Variants in ZBTB45 observed in about 807,000 individuals in gnomAD.
ZBTB45 encodes the protein zinc finger and BTB domain containing 45.
In ZBTB45, 22 loss-of-function variants were observed where a neutral mutation model predicts 28.4. That is an observed-to-expected ratio of 0.77 (90% CI 0.55 to 1.10). ZBTB45 has a LOEUF of 1.10. Among genes scored for constraint, ZBTB45 ranks in the 50% least tolerant of loss-of-function variants. The pLI, the probability that ZBTB45 is intolerant of heterozygous loss-of-function variation, is 0.00. For synonymous variants in ZBTB45, 361 were observed against 332.3 expected (o/e 1.09, Z -0.94); for missense variants, 656 against 750.2 (o/e 0.87, Z 1.47).
In ZBTB45 at chr19:58,516,262, G is replaced by T. The variant is rs1246935722; in HGVS notation, c.1279+133C>A. 2.6e-6 allele frequency: 3 copies of T among 1,170,838 alleles called. No individual in the cohort carries two copies. The highest frequency in any genetic ancestry group is 2.6e-5 in the East Asian group (1 of 39,010). 72.5% of individuals were successfully genotyped at this position (1,170,838 alleles called of 1,614,324 possible). The stretch of plus-strand genomic sequence containing the variant: ...CCACATACCTTGCACTTGGGGGAAG[G>T]CTCAATTTCTAGGCCCCCTGCTAAC... On this transcript the variant is annotated intron_variant, in intron 2 of 2. Transcript: ENST00000594051. The surrounding 1 kb of genome is among the most constrained non-coding windows in gnomAD (Gnocchi z 6.2).
intron 1 of ZBTB45, among the ~76,000 whole-genome samples, chr19:58,526,165 C>T (rs2053605586): frequency 6.6e-6 from 1 of 152,160 alleles, no homozygotes; most frequent in Non-Finnish European, 1.5e-5. Context: ...CCTGACCTCC[C>T]AAAGTGCTGG....
chr19:58,514,061 G>T lies in ZBTB45; in HGVS notation c.1529C>A (p.Ala510Glu). The T allele has an allele frequency of 1.3e-6, 2 of 1,481,664 alleles. No homozygotes were observed. The highest frequency in any genetic ancestry group is 8.9e-7 in the Non-Finnish European group (1 of 1,121,506). 91.8% of individuals were successfully genotyped at this position (1,481,664 alleles called of 1,614,324 possible). ...GGCCAGGCCCCAGCGCCATCAGGGC[G>T]CAGGGTGCGCCGCCAGGTGGCGCTC... Reference protein sequence around the residue: ...LLERHLAAHPAP With the variant: ...LLERHLAAHPEP Residue 510 changes from alanine to glutamate, a missense_variant, in exon 3 of 3, where the codon GCG becomes GAG. Transcript: ENST00000594051.
At chr19:58,537,984 C>G (rs1568653968) in intron 1 of ZBTB45, among the ~76,000 whole-genome samples, 1 of 152,054 alleles carries the variant, frequency 6.6e-6, no homozygotes, top group African/African-American at 2.4e-5. Flanking sequence ...ATTACAGGCC[C>G]GTGCCACCAC....
At chr19:58,523,815 C>G (rs2053591262), upstream of ZBTB45, among the ~76,000 whole-genome samples, 1 of 121,084 alleles carries the variant, frequency 8.3e-6, no homozygotes, top group African/African-American at 2.8e-5. Flanking sequence ...GGACTACAGG[C>G]GCCCGCCACC....
At chr19:58,535,160 C>G (rs756146400) in intron 1 of ZBTB45, among the ~76,000 whole-genome samples, 1 of 151,846 alleles carries the variant, frequency 6.6e-6, no homozygotes. Flanking sequence ...TGTGAGCCAC[C>G]GTGCCCAGCC....
chr19:58,516,920 C>T lies in ZBTB45; in HGVS notation c.754G>A (p.Ala252Thr), dbSNP rs1468124447. 3.7e-6 allele frequency: 6 copies of T among 1,613,282 alleles called. No homozygotes were observed. Among genetic ancestry groups the T allele is most frequent in the Admixed American group, 1.7e-5 (1 of 60,022 alleles). Residue 252 changes from alanine (A) to threonine (T), a missense_variant, in exon 2 of 3, where the codon GCG becomes ACG. By Grantham distance (58) the Ala-to-Thr change is moderately conservative (BLOSUM62 0). This residue lies in a region of ZBTB45 where 448 missense variants were observed against 444.3 expected (regional missense o/e 1.01). Transcript: ENST00000594051. The surrounding 1 kb of genome is among the most constrained non-coding windows in gnomAD (Gnocchi z 6.2). ...AGFLTAAADSACEEPPAPTGL... is the reference protein window; with the variant it reads ...AGFLTAAADSTCEEPPAPTGL... ...GTGGGTGCAGGGGGCTCCTCGCACG[C>T]GCTGTCAGCAGCAGCAGTGAGGAAG...
intron 1 of ZBTB45, among the ~76,000 whole-genome samples, chr19:58,526,622 C>G (rs953066865): frequency 4.2e-5 from 6 of 143,724 alleles, no homozygotes; most frequent in African/African-American, 1.5e-4. Flanking sequence ...AGCTCCGCCT[C>G]CCGGGTTCAC....
chr19:58,526,989 G>A (rs1316200968), intron 1 of ZBTB45, among the ~76,000 whole-genome samples: 1 of 152,108 alleles, frequency 6.6e-6, no homozygotes, highest in Non-Finnish European at 1.5e-5. Flanking sequence ...CACCACACCT[G>A]GCCACAAAAT....
upstream of ZBTB45, among the ~76,000 whole-genome samples, chr19:58,521,384 A>G (rs1480267852): frequency 1.0e-4 from 14 of 136,222 alleles, no homozygotes; most frequent in South Asian, 4.4e-4. Context: ...AAAAAAAAAA[A>G]GAAAGAAAGA....
At position 58,514,134 on chromosome 19, in the gene ZBTB45, C is replaced by A. The variant is rs767686852; in HGVS notation, c.1456G>T (p.Ala486Ser). 1.2e-6 allele frequency: 2 copies of A among 1,601,734 alleles called. No homozygotes were observed. The highest frequency in any genetic ancestry group is 1.7e-5 in the Admixed American group (1 of 59,332). Residue 486 changes from alanine to serine, a missense_variant, in exon 3 of 3, where the codon GCG becomes TCG. Transcript: ENST00000594051. ...ACCTTGCCGCAGGCGGGGCAGGGCG[C>A]GCGCTCGGGCCGGTGAGTGCGCATG... ...VHMRTHRPER[A>S]PCPACGKVFS...
intron 1 of ZBTB45, among the ~76,000 whole-genome samples, chr19:58,518,338 G>A (rs1274628666): frequency 2.6e-5 from 4 of 152,190 alleles, no homozygotes; most frequent in South Asian, 4.1e-4. Flanking sequence ...GGGTGGTTCT[G>A]GGTGTGCCTA....
At chr19:58,518,888 C>G (rs962751468) in intron 1 of ZBTB45, 2 of 152,218 alleles carry the variant, frequency 1.3e-5, no homozygotes, top group African/African-American at 2.4e-5. Context: ...GCCCCTACAC[C>G]CTCGGGCTCT....
Position 58,514,438 on chromosome 19 carries a change from G to A in ZBTB45, c.1280-128C>T. On this transcript the variant is annotated intron_variant, in intron 2 of 2. Transcript: ENST00000594051. Reference sequence around the variant, plus strand: ...CCCTCCCCTCCCGAACCACCACCCCGGGATCCCTTGCCTATCAGAGAACCC... The same window carrying A: ...CCCTCCCCTCCCGAACCACCACCCCAGGATCCCTTGCCTATCAGAGAACCC... 3.4e-6 allele frequency: 4 copies of A among 1,182,170 alleles called. No individual in the cohort carries two copies. In the South Asian group the frequency reaches 4.7e-5, roughly 14 times the overall value. The allele number at this position is 1,182,170 out of a possible 1,614,324, so 73.2% of individuals were successfully genotyped here. A position where few individuals can be genotyped will look rare whatever the true frequency, so the allele number is the denominator to read the frequency against.
intron 2 of ZBTB45, among the ~76,000 whole-genome samples, 188 bp from the exon 3 acceptor site, chr19:58,514,498 A>G (rs1275978110): frequency 4.0e-5 from 6 of 151,600 alleles, no homozygotes; most frequent in Non-Finnish European, 8.8e-5. Flanking sequence ...CCCAGCAGGG[A>G]CACCCCCTCC....
At chr19:58,518,816 G>T (rs1462194937) in intron 1 of ZBTB45, among the ~76,000 whole-genome samples, 1 of 152,024 alleles carries the variant, frequency 6.6e-6, no homozygotes, top group African/African-American at 2.4e-5. Flanking sequence ...ATCCGTATAG[G>T]CTCCACCAGC....
At chr19:58,526,334 T>A (rs1043391285) in intron 1 of ZBTB45, among the ~76,000 whole-genome samples, 5 of 150,716 alleles carry the variant, frequency 3.3e-5, no homozygotes, top group African/African-American at 1.2e-4. Context: ...TTCAGCCTCC[T>A]GAGTAGCTGG....
At chr19:58,531,443 T>C (rs940993889) in intron 1 of ZBTB45, among the ~76,000 whole-genome samples, 1 of 152,198 alleles carries the variant, frequency 6.6e-6, no homozygotes, top group Non-Finnish European at 1.5e-5. Flanking sequence ...CACAGCCATG[T>C]TGACACCACA....
chr19:58,524,435 A>ATGTGTGTGTGTGTGTGTG (rs56704623), upstream of ZBTB45, among the ~76,000 whole-genome samples: 8 of 138,350 alleles, frequency 5.8e-5, no homozygotes, highest in Admixed American at 3.0e-4. Flanking sequence ...GTGTTCATAT[A>ATGTGTGTGTGTGTGTGTG]TGTGTGTGTG....
upstream of ZBTB45, among the ~76,000 whole-genome samples, chr19:58,521,157 G>T (rs1178896641): frequency 6.7e-6 from 1 of 148,702 alleles, no homozygotes; most frequent in Non-Finnish European, 1.5e-5. Flanking sequence ...GAGGTCAGGA[G>T]ATCGAGACCA....
Sources: allele counts gnomAD v4.1 joint callset (sites outside exome capture counted in the v4.1 genomes callset), GRCh38; gene constraint gnomAD v4.1.1; regional missense constraint gnomAD v4.1.1; non-coding constraint Gnocchi (gnomAD v3.1); transcripts MANE v1.5; gene names NCBI Gene and HGNC (gene_info 2026-07-23, HGNC 2026-07-21).